SP140: variants seen among roughly 807,000 people sequenced by gnomAD.
SP140 encodes nuclear body protein SP140.
A neutral mutation model predicts 125.0 loss-of-function variants in SP140; 81 were observed. That is an observed-to-expected ratio of 0.65 (90% CI 0.54 to 0.78). The LOEUF is 0.78. Among genes scored for constraint, SP140 ranks in the 30% least tolerant of loss-of-function variants. The pLI, the probability that SP140 is intolerant of heterozygous loss-of-function variation, is 0.00. For missense variants in SP140, 858 were observed against 1,037.0 expected (o/e 0.83, Z 2.37); for synonymous variants, 312 against 354.0 (o/e 0.88, Z 1.33).
At position 230,231,776 on chromosome 2, in the gene SP140, G is replaced by A. The variant is rs182207035; in HGVS notation, c.60-5307G>A. On this transcript the variant is annotated intron_variant, in intron 1 of 26. Coordinates refer to ENST00000392045, the MANE Select transcript of SP140 (RefSeq NM_007237.5). ...GGCTATAGTGCAGTGGCGTGGTCTC[G>A]GCTCACTGCAACTTCTGCCTCCTAG... 1.1e-3 allele frequency among the ~76,000 whole-genome samples: 172 copies of A among 151,916 alleles called. 4 individuals are homozygous for A. Among genetic ancestry groups the A allele is most frequent in the Non-Finnish European group, 3.8e-4 (26 of 67,958 alleles).
At chr2:230,268,524 T>TA (rs572801711) in intron 12 of SP140, among the ~76,000 whole-genome samples, 2,426 of 118,228 alleles carry the variant, frequency 0.021, 46 homozygotes, top group African/African-American at 0.064. Flanking sequence ...AAACTCTGTC[T>TA]AAAAAAAAAA....
At chr2:230,281,287 C>G (rs2055504011) in intron 15 of SP140, among the ~76,000 whole-genome samples, 2 of 152,208 alleles carry the variant, frequency 1.3e-5, no homozygotes, top group African/African-American at 4.8e-5. Context: ...ATGCATTTCT[C>G]TATCCACTCA....
At chr2:230,256,390 G>A (rs2051205757) in intron 12 of SP140, among the ~76,000 whole-genome samples, 1 of 150,688 alleles carries the variant, frequency 6.6e-6, no homozygotes, top group Non-Finnish European at 1.5e-5. Context: ...GGATGAAGCT[G>A]GAAACCATCA....
intron 7 of SP140, 60 bp from the exon 8 acceptor site, chr2:230,247,856 A>C: frequency 6.5e-7 from 1 of 1,538,664 alleles, no homozygotes; most frequent in Non-Finnish European, 8.9e-7. Flanking sequence ...ATGCTCACTA[A>C]TCTAGTGAAA....
chr2:230,204,308 A>T (rs1275580367), intron 1 of SP140, among the ~76,000 whole-genome samples: 1 of 152,210 alleles, frequency 6.6e-6, no homozygotes, highest in Non-Finnish European at 1.5e-5. Context: ...ATAGTTGCAT[A>T]GACATTCCCT....
At chr2:230,201,491 A>G (rs1356991030), upstream of SP140, among the ~76,000 whole-genome samples, 2 of 152,238 alleles carry the variant, frequency 1.3e-5, no homozygotes, top group African/African-American at 4.8e-5. Context: ...CAAAAAAAAT[A>G]AAAATAAAAG....
intron 3 of SP140, chr2:230,239,020 A>G: frequency 7.1e-7 from 1 of 1,416,970 alleles, no homozygotes; most frequent in South Asian, 1.7e-5. Context: ...TGTGCTAAGG[A>G]ATCTGGAGTT....
In SP140 at chr2:230,243,725, C is replaced by G; in HGVS notation, c.491-6C>G. ...GACATCTAAGGGATTTCATTCCTTT[C>G]GGCAGAGAACAGCAATGCCTGTCAT... On this transcript the variant is annotated splice_polypyrimidine_tract_variant and splice_region_variant and intron_variant, in intron 4 of 26. Transcript: ENST00000392045. 2 of 1,607,592 alleles carry G rather than the reference C, an allele frequency of 1.2e-6. No homozygotes were observed. The highest frequency in any genetic ancestry group is 1.7e-6 in the Non-Finnish European group (2 of 1,174,934).
chr2:230,285,123 C>A (rs2056190788), intron 16 of SP140, among the ~76,000 whole-genome samples: 1 of 152,184 alleles, frequency 6.6e-6, no homozygotes, highest in Non-Finnish European at 1.5e-5. Flanking sequence ...TCATCTGTGG[C>A]TATCTCCAAT....
intron 22 of SP140, among the ~76,000 whole-genome samples, chr2:230,309,610 T>C (rs960426415): frequency 2.6e-5 from 4 of 152,258 alleles, no homozygotes; most frequent in African/African-American, 9.6e-5. Context: ...CCTGGTTTTA[T>C]CTGCAGAATA....
chr2:230,280,034 C>T (rs1341555537), intron 15 of SP140, among the ~76,000 whole-genome samples: 2 of 152,056 alleles, frequency 1.3e-5, no homozygotes, highest in Non-Finnish European at 2.9e-5. Flanking sequence ...GGCTTCACTC[C>T]ATATATATCT....
intron 7 of SP140, among the ~76,000 whole-genome samples, chr2:230,246,171 A>T (rs2049421767): frequency 6.6e-6 from 1 of 152,138 alleles, no homozygotes; most frequent in Non-Finnish European, 1.5e-5. Context: ...ACAGACAGAG[A>T]CAGTCTATGT....
intron 1 of SP140, among the ~76,000 whole-genome samples, chr2:230,234,196 C>A (rs943297708): frequency 1.3e-5 from 2 of 152,330 alleles, no homozygotes; most frequent in African/African-American, 4.8e-5. Context: ...CAAATCTCAA[C>A]GGGTCACCAG....
At chr2:230,230,430 A>G (rs980253115) in intron 1 of SP140, 3 of 152,192 alleles carry the variant, frequency 2.0e-5, no homozygotes, top group Admixed American at 2.0e-4. Context: ...GTTATGGATC[A>G]TGTGACCTCC....
rs2047821269 is a variant in SP140, at chr2:230,235,378, T to C, written c.60-1705T>C. On this transcript the variant is annotated intron_variant, in intron 1 of 26. Transcript: ENST00000392045. ...TAAAATTTCTCATCTAATTCCTTTC[T>C]CTTCATCATTGTAACTTTAATTCCT... Among the ~76,000 whole-genome samples, 2 of 152,228 alleles carry C rather than the reference T, an allele frequency of 1.3e-5. 1 individual carries two copies. The highest frequency in any genetic ancestry group is 4.1e-4 in the South Asian group (2 of 4,834).
chr2:230,304,349 A>G (rs1406816650), intron 22 of SP140, among the ~76,000 whole-genome samples: 4 of 152,206 alleles, frequency 2.6e-5, no homozygotes, highest in Non-Finnish European at 4.4e-5. Flanking sequence ...TGGAAAGTCA[A>G]TGCAATTCCC....
chr2:230,291,830 A>G (rs905846471), intron 19 of SP140, among the ~76,000 whole-genome samples: 2 of 152,234 alleles, frequency 1.3e-5, no homozygotes, highest in East Asian at 3.8e-4. Flanking sequence ...AGGAATCACC[A>G]AAGTGTTTCC....
chr2:230,309,625 A>G (rs2059148378), intron 22 of SP140, among the ~76,000 whole-genome samples: 1 of 152,202 alleles, frequency 6.6e-6, no homozygotes, highest in South Asian at 2.1e-4. Flanking sequence ...AGAATAAGGA[A>G]ATTATTCAGA....
chr2:230,238,824 A>G (rs770566956), intron 3 of SP140: 4 of 1,555,464 alleles, frequency 2.6e-6, no homozygotes, highest in Non-Finnish European at 3.5e-6. Context: ...TGGAGAAGTC[A>G]CGAAGAGAGC....
Sources: allele counts gnomAD v4.1 joint callset (sites outside exome capture counted in the v4.1 genomes callset), GRCh38; gene constraint gnomAD v4.1.1; transcripts MANE v1.5; gene names NCBI Gene and HGNC (gene_info 2026-07-23, HGNC 2026-07-21).